IMPA1: variants seen among roughly 807,000 people sequenced by gnomAD.
IMPA1 encodes the protein inositol monophosphatase 1, also known as D-galactose 1-phosphate phosphatase.
A neutral mutation model predicts 34.9 loss-of-function variants in IMPA1; 21 were observed. The ratio of observed to expected loss-of-function variants is 0.60; its 90% confidence interval spans 0.43 to 0.87. The LOEUF is 0.87. IMPA1 is among the 40% of genes least tolerant of loss of function. The pLI is 0.00. For missense variants in IMPA1, 299 were observed against 336.4 expected (o/e 0.89, Z 0.87); for synonymous variants, 95 against 104.4 (o/e 0.91, Z 0.55).
intron 7 of IMPA1, among the ~76,000 whole-genome samples, chr8:81,667,969 G>A (rs1362391758): frequency 2.6e-5 from 4 of 151,720 alleles, no homozygotes; most frequent in East Asian, 3.9e-4. Flanking sequence ...GACTACAAGC[G>A]CCCGCCACCA....
rs918728364 is a variant in IMPA1, at chr8:81,657,549, A to G, written c.*1802T>C. Among the ~76,000 whole-genome samples, 3 of 152,140 alleles carry G rather than the reference A, an allele frequency of 2.0e-5. No homozygotes were observed. The highest frequency in any genetic ancestry group is 4.4e-5 in the Non-Finnish European group (3 of 68,028). On this transcript the variant is annotated 3_prime_UTR_variant, in exon 9 of 9. Coordinates refer to ENST00000256108, the MANE Select transcript of IMPA1 (RefSeq NM_005536.4). ...TGAATGGTGATCATGCCACTGCATT[A>G]CTGTTTGAGCAGAAGAGCAAGACAC...
At chr8:81,671,911 T>A (rs1806999546) in intron 6 of IMPA1, among the ~76,000 whole-genome samples, 1 of 152,050 alleles carries the variant, frequency 6.6e-6, no homozygotes, top group Admixed American at 6.6e-5. Flanking sequence ...GGAAAAAAAA[T>A]AAAAGTTACA....
intron 3 of IMPA1, 61 bp downstream of exon 3, chr8:81,680,589 T>C (rs765905420): frequency 9.1e-6 from 12 of 1,316,170 alleles, no homozygotes; most frequent in African/African-American, 5.9e-5. Context: ...TACTCTCATA[T>C]GCAGAACCCC....
rs562974431 is a variant in IMPA1, at chr8:81,665,490, G to A, written c.567-4823C>T. On this transcript the variant is annotated intron_variant, in intron 7 of 8. Transcript: ENST00000256108. Reference sequence around the variant, plus strand: ...AGTAAAAAGAGACAGAGAGAAAATGGCTGAAATGAAGACACAAAGGAGATG... The same window carrying A: ...AGTAAAAAGAGACAGAGAGAAAATGACTGAAATGAAGACACAAAGGAGATG... 3.9e-5 allele frequency among the ~76,000 whole-genome samples: 6 copies of A among 152,138 alleles called. 1 individual carries two copies. In the East Asian group the frequency reaches 1.2e-3, roughly 29 times the overall value.
At chr8:81,685,197 ATATT>A (rs1170793511) in intron 1 of IMPA1, among the ~76,000 whole-genome samples, 2 of 135,752 alleles carry the variant, frequency 1.5e-5, no homozygotes. Context: ...ATACATAAGT[ATATT>A]TAGATACTAT....
rs1183043226 is a variant in IMPA1, at chr8:81,656,991, T to C, written c.*2360A>G. 6.6e-6 allele frequency among the ~76,000 whole-genome samples: 1 copy of C among 152,224 alleles called. No homozygotes were observed. The highest frequency in any genetic ancestry group is 1.5e-5 in the Non-Finnish European group (1 of 68,030). ...ATTTATGTATGTATCTGTGTATGTA[T>C]CCACATGCAGAAAGATAATATACCC... On this transcript the variant is annotated 3_prime_UTR_variant, in exon 9 of 9. Coordinates refer to ENST00000256108, the MANE Select transcript of IMPA1 (RefSeq NM_005536.4).
At chr8:81,667,584 C>T (rs1473495994) in intron 7 of IMPA1, among the ~76,000 whole-genome samples, 1 of 152,026 alleles carries the variant, frequency 6.6e-6, no homozygotes, top group African/African-American at 2.4e-5. Context: ...GCCTGCATTT[C>T]CGTGAATGAA....
intron 2 of IMPA1, among the ~76,000 whole-genome samples, chr8:81,681,021 T>C (rs1013368709): frequency 2.6e-5 from 4 of 152,220 alleles, no homozygotes; most frequent in Admixed American, 6.5e-5. Context: ...CAGAAAATTT[T>C]ATCATATAAA....
At chr8:81,677,545 C>T (rs1157027186) in intron 4 of IMPA1, among the ~76,000 whole-genome samples, 1 of 152,214 alleles carries the variant, frequency 6.6e-6, no homozygotes. Context: ...TCCATAGCTG[C>T]ATGACAGTCT....
At chr8:81,686,047 G>A in intron 1 of IMPA1, 3 of 1,167,900 alleles carry the variant, frequency 2.6e-6, no homozygotes, top group South Asian at 1.8e-5. Context: ...TGAGCGAACC[G>A]CTACTCCAAT....
At chr8:81,684,452 ATATAG>A (rs1157714487) in intron 1 of IMPA1, among the ~76,000 whole-genome samples, 1 of 142,028 alleles carries the variant, frequency 7.0e-6, no homozygotes, top group African/African-American at 2.6e-5. Flanking sequence ...TAGATACTAT[ATATAG>A]TATACTACAC....
At chr8:81,664,708 T>C (rs768021322) in intron 7 of IMPA1, among the ~76,000 whole-genome samples, 1 of 149,212 alleles carries the variant, frequency 6.7e-6, no homozygotes, top group Non-Finnish European at 1.5e-5. Flanking sequence ...GAAGGAAAAG[T>C]AGGAACTAAG....
Position 81,665,989 on chromosome 8 carries a change from G to GC in IMPA1, c.566+4949dup, listed in dbSNP as rs1162690358. 2.6e-5 allele frequency among the ~76,000 whole-genome samples: 4 copies of GC among 152,188 alleles called. No individual in the cohort carries two copies. The East Asian group carries it at 7.7e-4, about 29-fold the overall frequency. On this transcript the variant is annotated intron_variant, in intron 7 of 8. Coordinates refer to ENST00000256108, the MANE Select transcript of IMPA1 (RefSeq NM_005536.4). ...ACTTCAACCAATTAAAAAGGTGCCTGCAACACTTCACAAAAGGACTGTGAG... is the reference window on the plus strand; with the variant it reads ...ACTTCAACCAATTAAAAAGGTGCCTGCCAACACTTCACAAAAGGACTGTGAG...
At chr8:81,679,326 A>C in intron 3 of IMPA1, 96 bp from the exon 4 acceptor site, 1 of 845,630 alleles carries the variant, frequency 1.2e-6, no homozygotes, top group Non-Finnish European at 2.0e-6. Flanking sequence ...ACTATAAAAC[A>C]TAGCAGGCGA....
chr8:81,684,266 G>T, intron 1 of IMPA1, among the ~76,000 whole-genome samples: 1 of 133,650 alleles, frequency 7.5e-6, no homozygotes, highest in South Asian at 2.2e-4. Flanking sequence ...ACTATATATA[G>T]TATACCATAC....
chr8:81,670,822 A>G lies in IMPA1; in HGVS notation c.566+117T>C, dbSNP rs146671495. 6.1e-4 allele frequency: 339 copies of G among 554,884 alleles called. 5 individuals carry two copies. Among genetic ancestry groups the G allele is most frequent in the African/African-American group, 6.1e-3 (301 of 49,624 alleles). The allele number at this position is 554,884 out of a possible 1,614,324, so 34.4% of individuals were successfully genotyped here. On this transcript the variant is annotated intron_variant, in intron 7 of 8. Transcript: ENST00000256108. ...CATGGTTATGGAACAGAATCTCCCT[A>G]TTCTTTAGAAACCATGATGTATATA...
Position 81,681,569 on chromosome 8 carries a change from A to T in IMPA1, c.-9T>A. ...TGCCAAGGATCAGCCATCTTCTGAA[A>T]ATATTTGACAAATATCTGTACAAAG... On this transcript the variant is annotated 5_prime_UTR_variant, in exon 2 of 9. Transcript: ENST00000256108. The T allele has an allele frequency of 6.3e-7, 1 of 1,592,848 alleles. No individual in the cohort carries two copies. Among genetic ancestry groups the T allele is most frequent in the Non-Finnish European group, 8.6e-7 (1 of 1,160,968 alleles).
chr8:81,671,069 T>G, intron 6 of IMPA1, 22 bp from the exon 7 acceptor site: 5 of 1,234,198 alleles, frequency 4.1e-6, no homozygotes, highest in Non-Finnish European at 5.5e-6. Context: ...GTGTTAGGTT[T>G]CAATATTTAG....
intron 2 of IMPA1, among the ~76,000 whole-genome samples, 165 bp from the exon 3 acceptor site, chr8:81,680,948 C>A (rs993801878): frequency 6.6e-6 from 1 of 152,042 alleles, no homozygotes; most frequent in African/African-American, 2.4e-5. Context: ...TTAATAGTTA[C>A]GTCTTTCTAA....
Sources: allele counts gnomAD v4.1 joint callset (sites outside exome capture counted in the v4.1 genomes callset), GRCh38; gene constraint gnomAD v4.1.1; transcripts MANE v1.5; gene names NCBI Gene and HGNC (gene_info 2026-07-23, HGNC 2026-07-21).